Variants in DGKG observed in about 807,000 individuals in gnomAD.
DGKG encodes the protein DAG kinase gamma.
DGKG carries 78 observed loss-of-function variants against 105.3 expected under a neutral mutation model. The observed-to-expected ratio is 0.74, with a 90% confidence interval of 0.62 to 0.89. The LOEUF (loss-of-function observed/expected upper bound fraction) is 0.89, where lower values mean the gene tolerates loss of function less well. Among genes scored for constraint, DGKG ranks in the 40% least tolerant of loss-of-function variants. The probability of loss-of-function intolerance (pLI) is 0.00; values close to 1 mark genes in which losing one functional copy is unlikely to be tolerated. For synonymous variants in DGKG, 346 were observed against 367.1 expected (o/e 0.94, Z 0.66); for missense variants, 958 against 1,020.1 (o/e 0.94, Z 0.83).
intron 1 of DGKG, among the ~76,000 whole-genome samples, chr3:186,345,547 C>T (rs1726288736): frequency 6.6e-6 from 1 of 152,082 alleles, no homozygotes; most frequent in Non-Finnish European, 1.5e-5. Context: ...AACTCTGTAA[C>T]TATTGTCTTC....
In DGKG at chr3:186,149,126, C is replaced by T; in HGVS notation, c.*964G>A. 1.0e-6 allele frequency: 1 copy of T among 985,202 alleles called. No individual in the cohort carries two copies. The highest frequency in any genetic ancestry group is 4.7e-5 in the South Asian group (1 of 21,282). The allele number at this position is 985,202 out of a possible 1,614,324, so 61.0% of individuals were successfully genotyped here. On this transcript the variant is annotated 3_prime_UTR_variant, in exon 25 of 25. Coordinates refer to ENST00000265022, the MANE Select transcript of DGKG (RefSeq NM_001346.3). ...GGGAACCGTCTCCTGGTTTCCCCAGCAAAGTTCCTTCCTTCCCATCTTTTC... is the reference window on the plus strand; with the variant it reads ...GGGAACCGTCTCCTGGTTTCCCCAGTAAAGTTCCTTCCTTCCCATCTTTTC...
At chr3:186,305,990 A>G (rs1018733847) in intron 3 of DGKG, among the ~76,000 whole-genome samples, 2 of 152,186 alleles carry the variant, frequency 1.3e-5, no homozygotes, top group African/African-American at 2.4e-5. Context: ...TAGAAGGATA[A>G]GAAGAAATCA....
chr3:186,219,579 C>T (rs995260873), intron 20 of DGKG, among the ~76,000 whole-genome samples: 6 of 152,096 alleles, frequency 3.9e-5, no homozygotes, highest in Admixed American at 2.0e-4. Flanking sequence ...AGCTTCAAGG[C>T]GCGAGGTATT....
At chr3:186,283,212 T>C (rs1254769002) in intron 7 of DGKG, among the ~76,000 whole-genome samples, 3 of 152,192 alleles carry the variant, frequency 2.0e-5, no homozygotes, top group African/African-American at 7.2e-5. Flanking sequence ...AGATAAACAC[T>C]ATTAATCACC....
chr3:186,165,626 A>G (rs555374608), intron 22 of DGKG, among the ~76,000 whole-genome samples: 2 of 152,360 alleles, frequency 1.3e-5, no homozygotes, highest in Non-Finnish European at 2.9e-5. Flanking sequence ...AGAGTCTGTG[A>G]GCCCACAGTA....
intron 1 of DGKG, among the ~76,000 whole-genome samples, chr3:186,325,513 A>G (rs960847538): frequency 6.6e-6 from 1 of 152,180 alleles, no homozygotes; most frequent in African/African-American, 2.4e-5. Flanking sequence ...GTAATTGCTC[A>G]TCAACCCTTA....
chr3:186,259,691 G>A (rs542764461), intron 16 of DGKG, among the ~76,000 whole-genome samples: 5 of 152,082 alleles, frequency 3.3e-5, no homozygotes, highest in African/African-American at 7.2e-5. Context: ...AGACAGCCCC[G>A]GGCCCGGGGC....
At chr3:186,242,455 G>T (rs764640424) in intron 20 of DGKG, 49 bp downstream of exon 20, 7 of 1,525,976 alleles carry the variant, frequency 4.6e-6, no homozygotes, top group South Asian at 3.7e-5. Context: ...CCTCTGTTCC[G>T]CCAGGGCCAC....
rs200708714 is a variant in DGKG at position 186,260,478 on chromosome 3, T to A, written c.1385A>T (p.Lys462Ile). The change falls in exon 16 of 25, where the codon AAA becomes ATA. Residue 462 changes from lysine (K) to isoleucine (I), a missense_variant. Transcript: ENST00000265022. ...CCCATTGTCCAGGTTGAAAACTTGTTTGGGGTTGAGCAGATAGTGGAATTT... is the reference window on the plus strand; with the variant it reads ...CCCATTGTCCAGGTTGAAAACTTGTATGGGGTTGAGCAGATAGTGGAATTT... ...LRKFHYLLNP[K>I]QVFNLDNGGP... 2 of 1,613,632 alleles carry A rather than the reference T, an allele frequency of 1.2e-6. No individual in the cohort carries two copies. Among genetic ancestry groups the A allele is most frequent in the South Asian group, 2.2e-5 (2 of 91,060 alleles).
chr3:186,323,771 C>A (rs969711914), intron 1 of DGKG, among the ~76,000 whole-genome samples: 1 of 151,914 alleles, frequency 6.6e-6, no homozygotes, highest in Non-Finnish European at 1.5e-5. Flanking sequence ...CCCGTCTCTA[C>A]TAAAAACACA....
intron 1 of DGKG, among the ~76,000 whole-genome samples, chr3:186,342,098 A>G (rs1259939750): frequency 1.3e-5 from 2 of 152,210 alleles, no homozygotes; most frequent in East Asian, 3.8e-4. Context: ...GTGCACCAGC[A>G]TGGCACATGT....
intron 20 of DGKG, among the ~76,000 whole-genome samples, chr3:186,232,699 A>C (rs1164507410): frequency 1.3e-5 from 2 of 152,242 alleles, no homozygotes; most frequent in East Asian, 3.8e-4. Context: ...TGTATTATTT[A>C]ATTACATGAT....
At chr3:186,230,211 T>C (rs1396141015) in intron 20 of DGKG, among the ~76,000 whole-genome samples, 2 of 152,078 alleles carry the variant, frequency 1.3e-5, no homozygotes, top group Non-Finnish European at 2.9e-5. Context: ...TGAGCCGAGA[T>C]CACGCCACTG....
chr3:186,309,171 G>T (rs150669684), intron 2 of DGKG, among the ~76,000 whole-genome samples: 6 of 152,292 alleles, frequency 3.9e-5, no homozygotes, highest in Non-Finnish European at 2.9e-5. Flanking sequence ...GGTAGGGGTG[G>T]GAACTGAGGC....
chr3:186,353,828 C>A (rs917446487), intron 1 of DGKG, among the ~76,000 whole-genome samples: 3 of 152,014 alleles, frequency 2.0e-5, no homozygotes, highest in Non-Finnish European at 2.9e-5. Flanking sequence ...ATTGGTTAAA[C>A]GATGGAGCAT....
chr3:186,301,393 C>T (rs953603943), intron 3 of DGKG, among the ~76,000 whole-genome samples: 4 of 152,272 alleles, frequency 2.6e-5, no homozygotes, highest in East Asian at 3.9e-4. Context: ...TTTGGGAGGC[C>T]GAGGCAGGCA....
intron 1 of DGKG, among the ~76,000 whole-genome samples, chr3:186,359,646 A>G (rs1348027834): frequency 6.6e-6 from 1 of 152,212 alleles, no homozygotes; most frequent in Non-Finnish European, 1.5e-5. Context: ...TGAGGATTAA[A>G]GGATATAATG....
intron 3 of DGKG, among the ~76,000 whole-genome samples, chr3:186,299,763 T>C (rs7611226): frequency 7.4e-5 from 11 of 149,128 alleles, no homozygotes; most frequent in African/African-American, 2.5e-4. Flanking sequence ...TTTTTTCTTC[T>C]TTTCTCTTTC....
At chr3:186,291,999 C>T (rs1214557433) in intron 5 of DGKG, among the ~76,000 whole-genome samples, 2 of 152,170 alleles carry the variant, frequency 1.3e-5, no homozygotes, top group Non-Finnish European at 2.9e-5. Flanking sequence ...CTGAGAGGCA[C>T]TGACACTGTC....
Sources: gnomAD v4.1 joint callset for allele counts (sites outside exome capture counted in the v4.1 genomes callset) on GRCh38, gnomAD v4.1.1 for gene constraint, MANE v1.5 for transcripts, NCBI Gene and HGNC (gene_info 2026-07-23, HGNC 2026-07-21) for gene names.